ELAVL4: variants seen among roughly 807,000 people sequenced by gnomAD.
ELAVL4 encodes the protein ELAV-like protein 4.
ELAVL4 carries 1 observed loss-of-function variant against 35.6 expected under a neutral mutation model. That is an observed-to-expected ratio of 0.03 (90% CI 0.01 to 0.13). The LOEUF (loss-of-function observed/expected upper bound fraction) is 0.13, where lower values mean the gene tolerates loss of function less well. Ranked by LOEUF, ELAVL4 falls within the 10% of genes least tolerant of loss-of-function variation. The pLI, the probability that ELAVL4 is intolerant of heterozygous loss-of-function variation, is 1.00. For missense variants in ELAVL4, 267 were observed against 464.9 expected (o/e 0.57, Z 3.91); for synonymous variants, 156 against 171.0 (o/e 0.91, Z 0.69).
At chr1:50,104,887 A>G (rs558161694), upstream of ELAVL4, among the ~76,000 whole-genome samples, 34 of 152,340 alleles carry the variant, frequency 2.2e-4, no homozygotes, top group African/African-American at 8.2e-4. Flanking sequence ...GATTAATTGG[A>G]ATAGAGTGAT....
upstream of ELAVL4, among the ~76,000 whole-genome samples, chr1:50,100,046 T>C (rs1572174016): frequency 1.3e-5 from 2 of 152,224 alleles, no homozygotes; most frequent in African/African-American, 4.8e-5. Context: ...AGTTGGTATG[T>C]TATAGAGAAA....
chr1:50,154,790 C>T (rs1390232684), intron 2 of ELAVL4, among the ~76,000 whole-genome samples: 2 of 147,010 alleles, frequency 1.4e-5, no homozygotes, highest in African/African-American at 2.5e-5. Context: ...GTGTGTTTGT[C>T]CTGCTTCCTC....
At chr1:50,150,302 G>T (rs1192535761) in intron 2 of ELAVL4, among the ~76,000 whole-genome samples, 1 of 152,128 alleles carries the variant, frequency 6.6e-6, no homozygotes, top group South Asian at 2.1e-4. Flanking sequence ...CGTCTCTTTG[G>T]TTTAATTAAT....
intron 1 of ELAVL4, among the ~76,000 whole-genome samples, chr1:50,112,802 G>A (rs1410027396): frequency 1.3e-5 from 2 of 151,838 alleles, no homozygotes; most frequent in South Asian, 2.1e-4. Flanking sequence ...AGATGTAGAT[G>A]GCCTTGCTTC....
At chr1:50,171,633 G>A (rs1281518255) in intron 2 of ELAVL4, among the ~76,000 whole-genome samples, 1 of 152,164 alleles carries the variant, frequency 6.6e-6, no homozygotes, top group Non-Finnish European at 1.5e-5. Flanking sequence ...AGAATTAAGG[G>A]ATTATCTCTG....
chr1:50,065,469 A>T (rs184393056), intron 1 of ELAVL4, among the ~76,000 whole-genome samples: 1 of 152,292 alleles, frequency 6.6e-6, no homozygotes, highest in East Asian at 1.9e-4. Context: ...ACCAATGTGC[A>T]CCTTGATTTT....
intron 1 of ELAVL4, among the ~76,000 whole-genome samples, chr1:50,068,944 A>G (rs746248031): frequency 2.0e-5 from 3 of 152,340 alleles, no homozygotes; most frequent in Non-Finnish European, 4.4e-5. Flanking sequence ...AGGGTATGGT[A>G]ACTGAATTTC....
chr1:50,109,634 G>C (rs1406701160), intron 1 of ELAVL4: 1 of 423,652 alleles, frequency 2.4e-6, no homozygotes, highest in Non-Finnish European at 4.3e-6. Flanking sequence ...TTTAAACCTC[G>C]AGAGGCAGCT....
At chr1:50,142,454 C>T (rs148726060) in intron 1 of ELAVL4, among the ~76,000 whole-genome samples, 250 of 152,286 alleles carry the variant, frequency 1.6e-3, no homozygotes, top group African/African-American at 5.7e-3. Context: ...CTGCCCACCT[C>T]GGCCTCCCAA....
chr1:50,061,511 G>C (rs1053401104), intron 1 of ELAVL4, among the ~76,000 whole-genome samples: 1 of 152,132 alleles, frequency 6.6e-6, no homozygotes, highest in African/African-American at 2.4e-5. Context: ...TAAATTCTGG[G>C]CACTGTTTAA....
chr1:50,062,271 A>G (rs2148478706), intron 1 of ELAVL4, among the ~76,000 whole-genome samples: 1 of 152,278 alleles, frequency 6.6e-6, no homozygotes, highest in Middle Eastern at 3.4e-3. Context: ...TGCAATGATG[A>G]GATATGTGCA....
At chr1:50,067,199 G>A (rs988620852) in intron 1 of ELAVL4, among the ~76,000 whole-genome samples, 3 of 152,176 alleles carry the variant, frequency 2.0e-5, no homozygotes, top group Non-Finnish European at 4.4e-5. Flanking sequence ...TTTAAGCTTA[G>A]TGGCCAAGTA....
chr1:50,116,300 T>A (rs1667929494), intron 1 of ELAVL4, among the ~76,000 whole-genome samples: 1 of 152,082 alleles, frequency 6.6e-6, no homozygotes, highest in African/African-American at 2.4e-5. Flanking sequence ...CCCAGGAGCA[T>A]CTGAACAGAT....
At chr1:50,052,011 T>C (rs1447395291) in intron 1 of ELAVL4, among the ~76,000 whole-genome samples, 1 of 152,156 alleles carries the variant, frequency 6.6e-6, no homozygotes, top group East Asian at 1.9e-4. Context: ...ACCAGTCCTG[T>C]TGGATTAGGG....
intron 1 of ELAVL4, among the ~76,000 whole-genome samples, chr1:50,119,929 G>A (rs528817635): frequency 7.3e-5 from 11 of 151,602 alleles, no homozygotes; most frequent in Non-Finnish European, 1.2e-4. Flanking sequence ...AAGCTTGCAC[G>A]TTTAGTAATA....
chr1:50,110,337 T>A (rs1666860605), intron 1 of ELAVL4, among the ~76,000 whole-genome samples: 2 of 152,234 alleles, frequency 1.3e-5, no homozygotes, highest in Admixed American at 1.3e-4. Context: ...AAAGGCACAT[T>A]TCTTTTTCAG....
At chr1:50,133,669 G>GAA (rs1671403864) in intron 1 of ELAVL4, among the ~76,000 whole-genome samples, 1 of 151,580 alleles carries the variant, frequency 6.6e-6, no homozygotes, top group Non-Finnish European at 1.5e-5. Flanking sequence ...AAGAAAGAAA[G>GAA]AAAGAAGCAG....
At chr1:50,079,707 G>C (rs1664924506) in intron 1 of ELAVL4, among the ~76,000 whole-genome samples, 1 of 152,186 alleles carries the variant, frequency 6.6e-6, no homozygotes, top group Non-Finnish European at 1.5e-5. Context: ...AGTTACTCAA[G>C]TAACAACTTC....
intron 1 of ELAVL4, among the ~76,000 whole-genome samples, chr1:50,132,071 C>A (rs899920059): frequency 6.6e-6 from 1 of 152,040 alleles, no homozygotes; most frequent in Non-Finnish European, 1.5e-5. Flanking sequence ...GTAAGTATTC[C>A]GATACTTGTG....
Sources: gnomAD v4.1 joint callset for allele counts (sites outside exome capture counted in the v4.1 genomes callset) on GRCh38, gnomAD v4.1.1 for gene constraint, MANE v1.5 for transcripts, NCBI Gene and HGNC (gene_info 2026-07-23, HGNC 2026-07-21) for gene names.